The following ACSF2 variants were observed in gnomAD, a reference collection of about 807,000 sequenced individuals.
ACSF2 encodes acyl-CoA synthetase family member 2.
Under a neutral mutation model 79.3 loss-of-function variants are expected in ACSF2, and 52 were observed. That is an observed-to-expected ratio of 0.66 (90% confidence interval 0.53 to 0.83). ACSF2 has a LOEUF of 0.83. Among genes scored for constraint, ACSF2 ranks in the 40% least tolerant of loss-of-function variants. The pLI, the probability that ACSF2 is intolerant of heterozygous loss-of-function variation, is 0.00. For synonymous variants in ACSF2, 283 were observed against 312.6 expected, an observed-to-expected ratio of 0.91 and a Z score of 1.00; for missense variants, 661 against 803.3, an observed-to-expected ratio of 0.82 and a Z score of 2.14.
chr17:50,428,859 C>T (rs1915267911), intron 1 of ACSF2, among the ~76,000 whole-genome samples: 1 of 152,232 alleles, frequency 6.6e-6, no homozygotes, highest in Admixed American at 6.5e-5. Flanking sequence ...ACAGATTCTG[C>T]GTCATGCTAG....
intron 12 of ACSF2, 73 bp downstream of exon 12, chr17:50,472,652 C>G (rs940762496): frequency 2.0e-6 from 3 of 1,508,472 alleles, no homozygotes; most frequent in Non-Finnish European, 2.7e-6. Flanking sequence ...GAGCCGGGAA[C>G]ATTAACCTGG....
In ACSF2 at chr17:50,426,242, G is replaced by A; in HGVS notation, c.-20G>A. On this transcript the variant is annotated 5_prime_UTR_variant, in exon 1 of 16. Coordinates refer to ENST00000300441, the MANE Select transcript of ACSF2 (RefSeq NM_025149.6). ...CACTTTAAAAGTTTACTCGGGCCGG[G>A]ACGCAGGGCAAAGCGAGCCATGGCT... 1 of 1,327,522 alleles carries A rather than the reference G, an allele frequency of 7.5e-7. No individual in the cohort carries two copies. Among genetic ancestry groups the A allele is most frequent in the South Asian group, 2.4e-5 (1 of 41,606 alleles). 82.2% of individuals were successfully genotyped at this position (1,327,522 alleles called of 1,614,324 possible).
intron 10 of ACSF2, chr17:50,468,262 G>C (rs904517853): frequency 6.2e-7 from 1 of 1,611,362 alleles, no homozygotes; most frequent in Non-Finnish European, 8.5e-7. Context: ...GCTGCAGGGA[G>C]CTCAACGCGT....
In ACSF2 at chr17:50,467,004, C is replaced by T. The variant is rs150950371; in HGVS notation, c.1215+2710C>T. ...GAGATTCTGCCCACATCTCCACACCCGCACCCTTTCCTGTGGCCCACATTG... is the reference window on the plus strand; with the variant it reads ...GAGATTCTGCCCACATCTCCACACCTGCACCCTTTCCTGTGGCCCACATTG... On this transcript the variant is annotated intron_variant, in intron 10 of 15. Transcript: ENST00000300441. 1.0e-3 allele frequency among the ~76,000 whole-genome samples: 156 copies of T among 152,304 alleles called. No individual in the cohort carries two copies. In the Middle Eastern group the frequency reaches 0.024, roughly 23 times the overall value.
intron 10 of ACSF2, among the ~76,000 whole-genome samples, chr17:50,469,375 G>A (rs1156602133): frequency 6.6e-6 from 1 of 152,180 alleles, no homozygotes; most frequent in South Asian, 2.1e-4. Context: ...CTTTAAAGGG[G>A]CGCTTGTGCG....
intron 1 of ACSF2, among the ~76,000 whole-genome samples, chr17:50,453,608 A>G (rs557764228): frequency 1.3e-5 from 2 of 152,344 alleles, no homozygotes; most frequent in South Asian, 4.1e-4. Context: ...GTGTGTCTTG[A>G]CTATTATCAA....
rs199831000 is a variant in ACSF2, at chr17:50,463,352, G to A, written c.889-43G>A. 58 of 1,611,108 alleles carry A rather than the reference G, an allele frequency of 3.6e-5. No individual in the cohort carries two copies. The highest frequency in any genetic ancestry group is 1.3e-4 in the East Asian group (6 of 44,860). On this transcript the variant is annotated intron_variant, in intron 7 of 15. Transcript: ENST00000300441. This position sits in a 1 kb window ranked among gnomAD's most constrained non-coding sequence, Gnocchi z 4.6. ...CCTTGCCAGCTAGAGAGGAACTGGCGTCTGGCTCCAAGACAGACCCAGCCT... is the reference window on the plus strand; with the variant it reads ...CCTTGCCAGCTAGAGAGGAACTGGCATCTGGCTCCAAGACAGACCCAGCCT...
chr17:50,460,461 G>C, intron 1 of ACSF2: 1 of 584,296 alleles, frequency 1.7e-6, no homozygotes, highest in South Asian at 2.0e-5. Context: ...GCTCCAGCTT[G>C]GTGTAACCTT....
At chr17:50,442,431 G>A (rs1373618622) in intron 1 of ACSF2, among the ~76,000 whole-genome samples, 1 of 150,780 alleles carries the variant, frequency 6.6e-6, no homozygotes, top group Non-Finnish European at 1.5e-5. Context: ...CAAAAGTGCT[G>A]GGATTACAGC....
At position 50,474,674 on chromosome 17, in the gene ACSF2, G is replaced by A. The variant is rs1650411377; in HGVS notation, c.*122G>A. ...TGAGCCAGGCACATCAAATGTCAAG[G>A]AATTGACTGAACGAACTAAGAGCTC... is the stretch of plus-strand genomic sequence containing the variant. On this transcript the variant is annotated 3_prime_UTR_variant, in exon 16 of 16. Transcript: ENST00000300441. The surrounding 1 kb of genome is among the most constrained non-coding windows in gnomAD (Gnocchi z 4.2). 9.1e-7 allele frequency: 1 copy of A among 1,099,578 alleles called. No individual in the cohort carries two copies. Among genetic ancestry groups the A allele is most frequent in the African/African-American group, 1.6e-5 (1 of 64,136 alleles). 68.1% of individuals were successfully genotyped at this position (1,099,578 alleles called of 1,614,324 possible).
chr17:50,428,336 C>T (rs554348795), intron 1 of ACSF2, among the ~76,000 whole-genome samples: 24 of 151,914 alleles, frequency 1.6e-4, no homozygotes, highest in Admixed American at 6.6e-4. Context: ...AAAAATCAGC[C>T]GGGCGTGGTG....
intron 1 of ACSF2, among the ~76,000 whole-genome samples, chr17:50,451,246 T>A (rs975436662): frequency 6.6e-6 from 1 of 152,224 alleles, no homozygotes; most frequent in Non-Finnish European, 1.5e-5. Flanking sequence ...CCCAAGTTTT[T>A]GTTTGAACAC....
intron 12 of ACSF2, 120 bp from the exon 13 acceptor site, chr17:50,473,545 C>A: frequency 7.2e-7 from 1 of 1,395,424 alleles, no homozygotes; most frequent in Non-Finnish European, 9.9e-7. Flanking sequence ...CCTGCTATGT[C>A]TCCCAGAGTC....
At chr17:50,457,179 G>A (rs1209997394) in intron 1 of ACSF2, among the ~76,000 whole-genome samples, 2 of 152,240 alleles carry the variant, frequency 1.3e-5, no homozygotes, top group East Asian at 3.8e-4. Context: ...CTAGGTGACA[G>A]TTTCTGAGCT....
At chr17:50,453,803 G>A (rs928757607) in intron 1 of ACSF2, among the ~76,000 whole-genome samples, 5 of 151,304 alleles carry the variant, frequency 3.3e-5, no homozygotes, top group South Asian at 4.2e-4. Flanking sequence ...TGTTGTTGTT[G>A]TTTCTGAGAC....
rs918446601 is a variant in ACSF2, at chr17:50,459,673, TGGGTA to T, written c.129-1002_129-998del. 4.3e-4 allele frequency among the ~76,000 whole-genome samples: 66 copies of T among 152,050 alleles called. 1 individual carries two copies. The highest frequency in any genetic ancestry group is 4.1e-3 in the Admixed American group (62 of 15,270). ...CTTACCTGGCAGGGCTGGGAGGAGA[TGGGTA>T]GTTCCTGAAAGGCCGATGGAGAAAA... On this transcript the variant is annotated intron_variant, in intron 1 of 15. Coordinates refer to ENST00000300441, the MANE Select transcript of ACSF2 (RefSeq NM_025149.6).
rs752238955 is a variant in ACSF2, at chr17:50,468,548, T to C, written c.1216-2480T>C. 2.7e-5 allele frequency: 44 copies of C among 1,614,224 alleles called. 1 individual carries two copies. In the Middle Eastern group the frequency reaches 8.3e-4, roughly 30 times the overall value. On this transcript the variant is annotated intron_variant, in intron 10 of 15. Transcript: ENST00000300441. ...GCCGCGGAAGGCACCGGCGGCCACC[T>C]CGCGGATCTGGCAGTGCTGCAGGTG...
intron 1 of ACSF2, chr17:50,426,966 T>A (rs1357061622): frequency 1.3e-6 from 2 of 1,535,760 alleles, no homozygotes; most frequent in South Asian, 2.4e-5. Flanking sequence ...CTTCACTGCC[T>A]CTGCAGCAGC....
At chr17:50,466,088 T>C (rs2032696243) in intron 10 of ACSF2, among the ~76,000 whole-genome samples, 1 of 146,200 alleles carries the variant, frequency 6.8e-6, no homozygotes, top group Non-Finnish European at 1.5e-5. Flanking sequence ...TTTTTTTTTT[T>C]TCCTTTTTTT....
Sources: allele counts gnomAD v4.1 joint callset (sites outside exome capture counted in the v4.1 genomes callset), GRCh38; gene constraint gnomAD v4.1.1; non-coding constraint Gnocchi (gnomAD v3.1); transcripts MANE v1.5; gene names NCBI Gene and HGNC (gene_info 2026-07-23, HGNC 2026-07-21).